Variants in SPOCK1 observed in about 807,000 individuals in gnomAD.
The protein encoded by SPOCK1 is testican-1.
Under a neutral mutation model 55.3 loss-of-function variants are expected in SPOCK1, and 23 were observed. The observed-to-expected ratio is 0.42, with a 90% CI of 0.30 to 0.59. The LOEUF is 0.59. Among genes scored for constraint, SPOCK1 ranks in the 20% least tolerant of loss-of-function variants. The pLI is 0.22. For missense variants in SPOCK1, 499 were observed against 552.5 expected (o/e 0.90, Z 0.97); for synonymous variants, 226 against 221.0 (o/e 1.02, Z -0.20).
intron 2 of SPOCK1, among the ~76,000 whole-genome samples, chr5:137,309,555 C>T (rs1247883781): frequency 6.6e-6 from 1 of 152,206 alleles, no homozygotes; most frequent in Non-Finnish European, 1.5e-5. Context: ...ATGCACTAAA[C>T]ACATCCTATG....
intron 2 of SPOCK1, among the ~76,000 whole-genome samples, chr5:137,462,437 T>C (rs553351047): frequency 1.6e-4 from 25 of 152,288 alleles, no homozygotes; most frequent in African/African-American, 5.8e-4. Context: ...AAGGTCAGAC[T>C]AATTCCTGCA....
At position 137,301,530 on chromosome 5, in the gene SPOCK1, A is replaced by G. The variant is rs61060662; in HGVS notation, c.187-34475T>C. On this transcript the variant is annotated intron_variant, in intron 2 of 10. Coordinates refer to ENST00000394945, the MANE Select transcript of SPOCK1 (RefSeq NM_004598.4). ...CCCCTTGGCCTACTCTAGAACAGTCAGTCAATACTAAAGCAGTATCTTTGC... is the reference window on the plus strand; with the variant it reads ...CCCCTTGGCCTACTCTAGAACAGTCGGTCAATACTAAAGCAGTATCTTTGC... Among the ~76,000 whole-genome samples the G allele has an allele frequency of 5.8e-3, 888 of 152,074 alleles. 8 individuals are homozygous for G. The highest frequency in any genetic ancestry group is 0.021 in the African/African-American group (858 of 41,460).
intron 2 of SPOCK1, among the ~76,000 whole-genome samples, chr5:137,296,086 C>T (rs1757475373): frequency 1.3e-5 from 2 of 152,146 alleles, no homozygotes; most frequent in Admixed American, 6.5e-5. Context: ...ACCCCGCATT[C>T]CTTCTGCCAC....
At chr5:137,277,294 C>T (rs2127123044) in intron 2 of SPOCK1, among the ~76,000 whole-genome samples, 1 of 152,306 alleles carries the variant, frequency 6.6e-6, no homozygotes. Context: ...GGATTACAGG[C>T]ATGAGCTACT....
chr5:137,378,599 T>C (rs1751383188), intron 2 of SPOCK1, among the ~76,000 whole-genome samples: 1 of 152,210 alleles, frequency 6.6e-6, no homozygotes, highest in Non-Finnish European at 1.5e-5. Flanking sequence ...GAGCCTAAGA[T>C]GATGCAAAGA....
At chr5:137,088,854 C>G (rs1323420228) in intron 5 of SPOCK1, among the ~76,000 whole-genome samples, 1 of 152,052 alleles carries the variant, frequency 6.6e-6, no homozygotes, top group Non-Finnish European at 1.5e-5. Context: ...CAACTTGGTG[C>G]AAGATTCTGA....
rs1343691789 is a variant in SPOCK1 at position 137,066,987 on chromosome 5, C to CACACACACACACAGAGAGAGAGAG, written c.589+727_589+728insCTCTCTCTCTCTGTGTGTGTGTGT. On this transcript the variant is annotated intron_variant, in intron 6 of 10. Transcript: ENST00000394945. ...ATACACACACACACACACACACACA[C>CACACACACACACAGAGAGAGAGAG]AGAGAGAGAGAGAGAGAGAGAGAAA... Among the ~76,000 whole-genome samples the CACACACACACACAGAGAGAGAGAG allele has an allele frequency of 4.5e-3, 624 of 139,596 alleles. 7 individuals carry two copies. Among genetic ancestry groups the CACACACACACACAGAGAGAGAGAG allele is most frequent in the Non-Finnish European group, 6.2e-3 (399 of 64,574 alleles). The allele number at this position is 139,596 out of a possible 152,430, so 91.6% of individuals were successfully genotyped here. A position where few individuals can be genotyped will look rare whatever the true frequency, so the allele number is the denominator to read the frequency against.
intron 9 of SPOCK1, among the ~76,000 whole-genome samples, chr5:136,981,378 C>A (rs1243618401): frequency 6.6e-6 from 1 of 152,124 alleles, no homozygotes; most frequent in Non-Finnish European, 1.5e-5. Flanking sequence ...CTGTTGTCTG[C>A]TTTCATCTTA....
intron 2 of SPOCK1, among the ~76,000 whole-genome samples, chr5:137,359,862 G>A (rs1478383054): frequency 6.6e-6 from 1 of 152,160 alleles, no homozygotes; most frequent in East Asian, 1.9e-4. Flanking sequence ...ATCTATGTGG[G>A]TTACCTATCC....
intron 2 of SPOCK1, among the ~76,000 whole-genome samples, chr5:137,369,071 T>C (rs1350669098): frequency 6.6e-6 from 1 of 152,174 alleles, no homozygotes; most frequent in Non-Finnish European, 1.5e-5. Flanking sequence ...ACTCCTACCA[T>C]GGTGGTGTCA....
chr5:137,384,277 G>T (rs1276905255), intron 2 of SPOCK1, among the ~76,000 whole-genome samples: 1 of 152,192 alleles, frequency 6.6e-6, no homozygotes, highest in Non-Finnish European at 1.5e-5. Context: ...AAGCAGAGCT[G>T]CCCAGTGGGA....
At chr5:137,034,490 G>A (rs1751843419) in intron 6 of SPOCK1, among the ~76,000 whole-genome samples, 2 of 152,162 alleles carry the variant, frequency 1.3e-5, no homozygotes, top group African/African-American at 4.8e-5. Flanking sequence ...CTGTGATGAT[G>A]GCAGATGGCA....
chr5:137,368,973 T>C (rs745690523), intron 2 of SPOCK1, among the ~76,000 whole-genome samples: 1 of 152,244 alleles, frequency 6.6e-6, no homozygotes. Flanking sequence ...ATGACCTAGA[T>C]GCTGCTCTGT....
intron 3 of SPOCK1, among the ~76,000 whole-genome samples, chr5:137,159,244 C>CA (rs1030219797): frequency 3.3e-5 from 5 of 152,056 alleles, no homozygotes; most frequent in Non-Finnish European, 7.4e-5. Context: ...TTACATGAGG[C>CA]AAGAAAATAC....
chr5:137,227,637 T>C (rs964021186), intron 3 of SPOCK1, among the ~76,000 whole-genome samples: 4 of 152,202 alleles, frequency 2.6e-5, no homozygotes, highest in African/African-American at 4.8e-5. Context: ...GCAAGGTCTA[T>C]AGAGTAAGGA....
At position 137,377,089 on chromosome 5, in the gene SPOCK1, C is replaced by T. The variant is rs189199700; in HGVS notation, c.187-110034G>A. Among the ~76,000 whole-genome samples, 31 of 152,280 alleles carry T rather than the reference C, an allele frequency of 2.0e-4. 1 individual carries two copies. Among genetic ancestry groups the T allele is most frequent in the Non-Finnish European group, 3.1e-4 (21 of 68,024 alleles). On this transcript the variant is annotated intron_variant, in intron 2 of 10. Transcript: ENST00000394945. Reference sequence around the variant, plus strand: ...TTTCCAAATGTGAGGGAGGAACCGACGGGCAGTGGATAAGCCCTCCTCCAA... The same window carrying T: ...TTTCCAAATGTGAGGGAGGAACCGATGGGCAGTGGATAAGCCCTCCTCCAA...
chr5:137,491,379 T>C (rs1243026982), intron 2 of SPOCK1, among the ~76,000 whole-genome samples: 1 of 152,196 alleles, frequency 6.6e-6, no homozygotes, highest in Non-Finnish European at 1.5e-5. Context: ...CAATTACTAA[T>C]AGAGTGAGAC....
At position 137,115,128 on chromosome 5, in the gene SPOCK1, T is replaced by C. The variant is rs542706072; in HGVS notation, c.348-2567A>G. 2.4e-3 allele frequency among the ~76,000 whole-genome samples: 367 copies of C among 152,216 alleles called. 2 individuals are homozygous for C. Among genetic ancestry groups the C allele is most frequent in the Non-Finnish European group, 4.4e-3 (299 of 68,006 alleles). On this transcript the variant is annotated intron_variant, in intron 4 of 10. Transcript: ENST00000394945. ...ACGAGGTGAGGCTGACTGGTGCCTA[T>C]CAGAGGGCCTGGTGCATCCTGGACG...
chr5:137,094,314 C>T (rs1250094780), intron 5 of SPOCK1, among the ~76,000 whole-genome samples: 2 of 152,152 alleles, frequency 1.3e-5, no homozygotes, highest in African/African-American at 4.8e-5. Flanking sequence ...ACATATGCAC[C>T]ATGCTATTCC....
Sources: gnomAD v4.1 joint callset for allele counts (sites outside exome capture counted in the v4.1 genomes callset) on GRCh38, gnomAD v4.1.1 for gene constraint, MANE v1.5 for transcripts, NCBI Gene and HGNC (gene_info 2026-07-23, HGNC 2026-07-21) for gene names.